Variants in CCDC144A observed in about 807,000 individuals in gnomAD.
CCDC144A encodes the protein coiled-coil domain containing 144A.
In CCDC144A, 41 loss-of-function variants were observed where a neutral mutation model predicts 143.8. The ratio of observed to expected loss-of-function variants is 0.29; its 90% CI spans 0.22 to 0.37. CCDC144A has a LOEUF of 0.37. CCDC144A is among the 10% of genes least tolerant of loss of function. The probability of loss-of-function intolerance (pLI) is 1.00; values close to 1 mark genes in which losing one functional copy is unlikely to be tolerated. For missense variants in CCDC144A, 637 were observed against 1,488.8 expected, an observed-to-expected ratio of 0.43 and a Z score of 9.41; for synonymous variants, 242 against 517.9, an observed-to-expected ratio of 0.47 and a Z score of 7.23.
chr17:16,702,287 G>A (rs1411674669), intron 2 of CCDC144A, among the ~76,000 whole-genome samples: 1 of 152,110 alleles, frequency 6.6e-6, no homozygotes, highest in Non-Finnish European at 1.5e-5. Context: ...CTGAATGAAC[G>A]GTGTGGCTCA....
intron 12 of CCDC144A, among the ~76,000 whole-genome samples, chr17:16,749,705 GT>G (rs1323338683): frequency 2.0e-5 from 3 of 152,172 alleles, no homozygotes; most frequent in Non-Finnish European, 4.4e-5. Flanking sequence ...GATCCCCACT[GT>G]TATTGTGTGA....
At chr17:16,672,831 A>G in the CCDC144A span, among the ~76,000 whole-genome samples, 2 of 152,128 alleles carry the variant, frequency 1.3e-5, no homozygotes, top group Non-Finnish European at 2.9e-5. Flanking sequence ...ATCTTTGTCT[A>G]TCACCATTGT....
At chr17:16,726,777 A>G (rs570764615) in intron 8 of CCDC144A, among the ~76,000 whole-genome samples, 64 of 150,326 alleles carry the variant, frequency 4.3e-4, no homozygotes, top group South Asian at 1.7e-3. Context: ...CTTTCCCTGT[A>G]CTCTGTCTCC....
chr17:16,694,222 A>C (rs531201631), intron 2 of CCDC144A, among the ~76,000 whole-genome samples: 15 of 152,132 alleles, frequency 9.9e-5, no homozygotes, highest in Admixed American at 5.9e-4. Flanking sequence ...CACTAAAAAA[A>C]AGAAATTAGT....
intron 12 of CCDC144A, among the ~76,000 whole-genome samples, chr17:16,741,600 TG>T (rs1914258952): frequency 6.6e-6 from 1 of 151,766 alleles, no homozygotes; most frequent in Admixed American, 6.6e-5. Context: ...TGAATGATTT[TG>T]CTTTTATTTT....
In CCDC144A at chr17:16,760,305, A is replaced by G. The variant is rs559356639; in HGVS notation, c.3373-1120A>G. Among the ~76,000 whole-genome samples, 4 of 150,106 alleles carry G rather than the reference A, an allele frequency of 2.7e-5. No homozygotes were observed. In the East Asian group the frequency reaches 5.9e-4, roughly 22 times the overall value. On this transcript the variant is annotated intron_variant, in intron 12 of 16. Transcript: ENST00000399273. Reference sequence around the variant, plus strand: ...ATGTTTTAAAACCACCACTTCACTTACCTTTATAAAATAAAAAACAATCAT... The same window carrying G: ...ATGTTTTAAAACCACCACTTCACTTGCCTTTATAAAATAAAAAACAATCAT...
the CCDC144A span, among the ~76,000 whole-genome samples, chr17:16,674,595 G>A: frequency 6.6e-6 from 1 of 151,170 alleles, no homozygotes; most frequent in Non-Finnish European, 1.5e-5. Context: ...GTGAGGGAAG[G>A]AAGGGAGGGA....
intron 2 of CCDC144A, among the ~76,000 whole-genome samples, chr17:16,696,355 G>A (rs1911403018): frequency 2.6e-5 from 3 of 117,248 alleles, no homozygotes; most frequent in Non-Finnish European, 5.5e-5. Context: ...TCTCGGGCCG[G>A]GCATGGTGGC....
intron 5 of CCDC144A, among the ~76,000 whole-genome samples, chr17:16,711,150 A>AAAAAAAAAAAAAAAAAAAG (rs1567589760): frequency 4.3e-5 from 6 of 140,952 alleles, no homozygotes; most frequent in Admixed American, 2.9e-4. Flanking sequence ...AAAAAAAAAA[A>AAAAAAAAAAAAAAAAAAAG]AAAAAAAACA....
At chr17:16,695,052 G>A (rs71360187) in intron 2 of CCDC144A, among the ~76,000 whole-genome samples, 2 of 152,222 alleles carry the variant, frequency 1.3e-5, no homozygotes, top group Non-Finnish European at 2.9e-5. Context: ...TTTAGTACAT[G>A]TTAATCAAAG....
chr17:16,715,829 G>A (rs1192610468), intron 6 of CCDC144A, among the ~76,000 whole-genome samples: 1 of 152,230 alleles, frequency 6.6e-6, no homozygotes, highest in East Asian at 1.9e-4. Flanking sequence ...GGCTATCTGA[G>A]TGAGGCTGCT....
chr17:16,688,490 T>TTG (rs1483388084), upstream of CCDC144A, among the ~76,000 whole-genome samples: 1 of 123,068 alleles, frequency 8.1e-6, no homozygotes, highest in Non-Finnish European at 1.6e-5. Flanking sequence ...TTCTGTTTTT[T>TTG]TTTTTTTTTT....
chr17:16,673,509 C>A, the CCDC144A span, among the ~76,000 whole-genome samples: 1 of 151,686 alleles, frequency 6.6e-6, no homozygotes, highest in Non-Finnish European at 1.5e-5. Context: ...GCCTCAGCAT[C>A]CCGAGTAGCT....
At position 16,690,537 on chromosome 17, in the gene CCDC144A, C is replaced by T. The variant is rs542811265; in HGVS notation, c.137C>T (p.Ser46Phe). The T allele has an allele frequency of 6.2e-7, 1 of 1,613,356 alleles. No individual in the cohort carries two copies. Among genetic ancestry groups the T allele is most frequent in the Admixed American group, 1.7e-5 (1 of 59,970 alleles). Residue 46 changes from serine (S) to phenylalanine (F), a missense_variant, in exon 1 of 17, where the codon TCC becomes TTC. Physicochemically the swap from Ser to Phe is radical, Grantham distance 155. Transcript: ENST00000399273. ...TTGGGCTACCCGGGGGACCAGTGGT[C>T]CTCGGGCTTCCCCTACAGCTGGTGG... ...WYLGYPGDQW[S>F]SGFPYSWWKN...
chr17:16,699,504 T>C (rs1911607459), intron 2 of CCDC144A, among the ~76,000 whole-genome samples: 4 of 8,326 alleles, frequency 4.8e-4, no homozygotes, highest in Non-Finnish European at 8.1e-4. Context: ...GCCTCCTGAG[T>C]AGCTGGGATT....
chr17:16,744,831 A>G (rs1914419845), intron 12 of CCDC144A, among the ~76,000 whole-genome samples: 1 of 152,178 alleles, frequency 6.6e-6, no homozygotes, highest in South Asian at 2.1e-4. Flanking sequence ...GGAAGAAACT[A>G]CAGAATGCAC....
At chr17:16,753,442 T>G (rs1288547628) in intron 12 of CCDC144A, among the ~76,000 whole-genome samples, 97 of 146,232 alleles carry the variant, frequency 6.6e-4, no homozygotes, top group African/African-American at 1.5e-3. Context: ...TTTTTTTTTT[T>G]TTTTTTTTTT....
chr17:16,764,543 T>A, intron 15 of CCDC144A: 1 of 298,764 alleles, frequency 3.3e-6, no homozygotes, highest in Non-Finnish European at 5.8e-6. Context: ...GGGTCACTTT[T>A]AAAGTTTTTC....
intron 12 of CCDC144A, among the ~76,000 whole-genome samples, chr17:16,757,207 C>T (rs547294769): frequency 3.9e-5 from 6 of 152,374 alleles, no homozygotes; most frequent in South Asian, 4.1e-4. Context: ...AGCTGGGGGC[C>T]GGACCTTGGA....
Sources: gnomAD v4.1 joint callset for allele counts (sites outside exome capture counted in the v4.1 genomes callset) on GRCh38, gnomAD v4.1.1 for gene constraint, MANE v1.5 for transcripts, NCBI Gene and HGNC (gene_info 2026-07-23, HGNC 2026-07-21) for gene names.